KCNQ1: variants seen among roughly 807,000 people sequenced by gnomAD.
KCNQ1 encodes potassium voltage-gated channel subfamily Q member 1.
Under a neutral mutation model 72.4 loss-of-function variants are expected in KCNQ1, and 49 were observed. The ratio of observed to expected loss-of-function variants is 0.68; its 90% CI spans 0.54 to 0.86. The LOEUF (loss-of-function observed/expected upper bound fraction) is 0.86. KCNQ1 is among the 40% of genes least tolerant of loss of function. KCNQ1 has a pLI of 0.00. For missense variants in KCNQ1, 790 were observed against 945.1 expected, an observed-to-expected ratio of 0.84 and a Z score of 2.15; for synonymous variants, 450 against 412.6, an observed-to-expected ratio of 1.09 and a Z score of -1.10.
At position 2,587,637 on chromosome 11, in the gene KCNQ1, C is replaced by G. The variant is rs876657836; in HGVS notation, c.1196C>G (p.Ala399Gly). The change falls in exon 9 of 16, where the codon GCC (alanine) becomes GGC (glycine). Residue 399 changes from alanine to glycine, a missense_variant. By Grantham distance (60) the Ala-to-Gly change is moderately conservative. Around this residue, in one of 5 missense-constraint regions of KCNQ1, gnomAD observed 178 missense variants for 177.9 expected, o/e 1.00. Coordinates refer to ENST00000155840, the MANE Select transcript of KCNQ1 (RefSeq NM_000218.3). Reference protein sequence around the residue: ...SSTWKIYIRKAPRSHTLLSPS... With the variant: ...SSTWKIYIRKGPRSHTLLSPS... ...ACCTGGAAGATCTACATCCGGAAGG[C>G]CCCCCGGAGCCACACTCTGCTGTCA... The G allele has an allele frequency of 3.7e-6, 6 of 1,613,752 alleles. No individual in the cohort carries two copies. Among genetic ancestry groups the G allele is most frequent in the African/African-American group, 2.7e-5 (2 of 74,932 alleles).
intron 2 of KCNQ1, among the ~76,000 whole-genome samples, chr11:2,555,209 C>G (rs547070596): frequency 6.6e-6 from 1 of 152,336 alleles, no homozygotes; most frequent in Admixed American, 6.5e-5. Flanking sequence ...TTTGGTTTGC[C>G]AAACTTCTAG....
At chr11:2,790,997 G>C (rs959384188) in intron 15 of KCNQ1, among the ~76,000 whole-genome samples, 3 of 152,224 alleles carry the variant, frequency 2.0e-5, no homozygotes, top group Admixed American at 2.0e-4. Flanking sequence ...CTCTTTCTTG[G>C]GGTGTTTCTC....
At chr11:2,776,923 C>A in intron 13 of KCNQ1, 63 bp from the exon 14 acceptor site, 2 of 1,495,720 alleles carry the variant, frequency 1.3e-6, no homozygotes, top group Non-Finnish European at 1.9e-6. Flanking sequence ...GTCCCACAGA[C>A]GACAGTGCAT....
intron 15 of KCNQ1, among the ~76,000 whole-genome samples, chr11:2,794,121 T>G (rs1847084687): frequency 6.6e-6 from 1 of 151,738 alleles, no homozygotes; most frequent in African/African-American, 2.4e-5. Context: ...TCCGGCTTCG[T>G]GGGAGGAGGG....
At chr11:2,743,177 G>A (rs1359522452) in intron 11 of KCNQ1, among the ~76,000 whole-genome samples, 1 of 152,156 alleles carries the variant, frequency 6.6e-6, no homozygotes, top group Admixed American at 6.5e-5. Flanking sequence ...GGCATTCCCA[G>A]AAATCACAGG....
At chr11:2,456,764 C>A (rs34565276) in intron 1 of KCNQ1, among the ~76,000 whole-genome samples, 74,239 of 89,216 alleles carry the variant, frequency 0.83, 30,088 homozygotes, top group Non-Finnish European at 0.87. Flanking sequence ...TACTAAAAAT[C>A]CAAAAAAAAA....
chr11:2,621,830 T>TA lies in KCNQ1; in HGVS notation c.1393+32977dup, dbSNP rs944174103. 6 of 398,366 alleles carry TA rather than the reference T, an allele frequency of 1.5e-5. No individual in the cohort carries two copies. Among genetic ancestry groups the TA allele is most frequent in the African/African-American group, 1.2e-4 (6 of 48,758 alleles). 24.7% of individuals were successfully genotyped at this position (398,366 alleles called of 1,614,324 possible). On this transcript the variant is annotated intron_variant, in intron 10 of 15. Coordinates refer to ENST00000155840, the MANE Select transcript of KCNQ1 (RefSeq NM_000218.3). This position sits in a 1 kb window ranked among gnomAD's most constrained non-coding sequence, Gnocchi z 5.7. ...TTCTTTGTTTCAAAAATTGAAGTCT[T>TA]AGTTTTACTGACTTTTTTCCCCTAT... is the stretch of plus-strand genomic sequence containing the variant.
chr11:2,746,090 A>G lies in KCNQ1; in HGVS notation c.1515-22754A>G, dbSNP rs1275118815. On this transcript the variant is annotated intron_variant, in intron 11 of 15. Coordinates refer to ENST00000155840, the MANE Select transcript of KCNQ1 (RefSeq NM_000218.3). This position sits in a 1 kb window ranked among gnomAD's most constrained non-coding sequence, Gnocchi z 5.9. Reference sequence around the variant, plus strand: ...TTTTTGGTAGAGGTGGGGTTTCACCATGCTGGCCAGGCTGATCTCGAACTC... The same window carrying G: ...TTTTTGGTAGAGGTGGGGTTTCACCGTGCTGGCCAGGCTGATCTCGAACTC... Among the ~76,000 whole-genome samples the G allele has an allele frequency of 6.6e-6, 1 of 152,166 alleles. No homozygotes were observed. The highest frequency in any genetic ancestry group is 1.5e-5 in the Non-Finnish European group (1 of 68,020).
At chr11:2,531,260 G>A (rs1454882497) in intron 2 of KCNQ1, among the ~76,000 whole-genome samples, 3 of 150,982 alleles carry the variant, frequency 2.0e-5, no homozygotes, top group Admixed American at 6.6e-5. Flanking sequence ...AGAATTAGAC[G>A]TGCCCTGGGC....
Position 2,715,810 on chromosome 11 carries a change from C to T in KCNQ1, c.1515-53034C>T, listed in dbSNP as rs1019186355. ...GCTGGAGCAGCCCCGCATCCCACAT[C>T]CCCGCAGCCTTGCGCTGGTCTAAAT... On this transcript the variant is annotated intron_variant, in intron 11 of 15. Coordinates refer to ENST00000155840, the MANE Select transcript of KCNQ1 (RefSeq NM_000218.3). The surrounding 1 kb of genome is among the most constrained non-coding windows in gnomAD (Gnocchi z 4.9). Among the ~76,000 whole-genome samples the T allele has an allele frequency of 1.3e-5, 2 of 152,368 alleles. No individual in the cohort carries two copies. Among genetic ancestry groups the T allele is most frequent in the South Asian group, 2.1e-4 (1 of 4,830 alleles).
At chr11:2,459,873 G>A (rs532508795) in intron 1 of KCNQ1, among the ~76,000 whole-genome samples, 1 of 152,048 alleles carries the variant, frequency 6.6e-6, no homozygotes, top group Admixed American at 6.5e-5. Context: ...TCAGAGGACT[G>A]GTTTAGTAAG....
At position 2,653,309 on chromosome 11, in the gene KCNQ1, G is replaced by T; in HGVS notation, c.1394-8652G>T. 4 of 398,646 alleles carry T rather than the reference G, an allele frequency of 1.0e-5. No homozygotes were observed. The highest frequency in any genetic ancestry group is 1.8e-5 in the Non-Finnish European group (4 of 226,104). 24.7% of individuals were successfully genotyped at this position (398,646 alleles called of 1,614,324 possible). A position where few individuals can be genotyped will look rare whatever the true frequency, so the allele number is the denominator to read the frequency against. On this transcript the variant is annotated intron_variant, in intron 10 of 15. Coordinates refer to ENST00000155840, the MANE Select transcript of KCNQ1 (RefSeq NM_000218.3). This position sits in a 1 kb window ranked among gnomAD's most constrained non-coding sequence, Gnocchi z 5.3. ...CAGTGCAGACCAGTTTAGCTATTTT[G>T]TAACCTTGACTGCCCCCAGGCCCAT...
chr11:2,681,494 A>C (rs1850396242), intron 11 of KCNQ1: 1 of 398,400 alleles, frequency 2.5e-6, no homozygotes, highest in South Asian at 1.3e-4. Flanking sequence ...AATGGGACTT[A>C]GTAAAGTCAA....
intron 1 of KCNQ1, among the ~76,000 whole-genome samples, chr11:2,453,045 C>T (rs1019625078): frequency 1.3e-5 from 2 of 152,208 alleles, no homozygotes; most frequent in Admixed American, 6.5e-5. Context: ...ATGCTAGATG[C>T]GTGGAGGAGA....
At chr11:2,692,904 C>G in intron 11 of KCNQ1, 1 of 398,358 alleles carries the variant, frequency 2.5e-6, no homozygotes, top group Non-Finnish European at 4.4e-6. Flanking sequence ...TGGCTAAAAT[C>G]AACTGTAGCA....
rs1847860703 is a variant in KCNQ1, at chr11:2,543,738, C to T, written c.477+15720C>T. On this transcript the variant is annotated intron_variant, in intron 2 of 15. Coordinates refer to ENST00000155840, the MANE Select transcript of KCNQ1 (RefSeq NM_000218.3). The surrounding 1 kb of genome is among the most constrained non-coding windows in gnomAD (Gnocchi z 5.6). ...GTAGTTTTATAATTTTTGTGCTTAC[C>T]TTTAGGCCTAGGATGCATTTTGAGT... is the stretch of plus-strand genomic sequence containing the variant. Among the ~76,000 whole-genome samples the T allele has an allele frequency of 6.6e-6, 1 of 152,070 alleles. No homozygotes were observed. Among genetic ancestry groups the T allele is most frequent in the South Asian group, 2.1e-4 (1 of 4,828 alleles).
Position 2,687,990 on chromosome 11 carries a change from C to T in KCNQ1, c.1514+25909C>T. ...GCTTCCTGCTTCCCTTTGATGTCTC[C>T]TCGTGCGAGGGAGGGGTCAGCACCC... On this transcript the variant is annotated intron_variant, in intron 11 of 15. Transcript: ENST00000155840. The surrounding 1 kb of genome is among the most constrained non-coding windows in gnomAD (Gnocchi z 5.0). 2.5e-6 allele frequency: 1 copy of T among 398,742 alleles called. No homozygotes were observed. The highest frequency in any genetic ancestry group is 4.4e-6 in the Non-Finnish European group (1 of 226,152). 24.7% of individuals were successfully genotyped at this position (398,742 alleles called of 1,614,324 possible).
At chr11:2,689,800 C>T (rs182314024) in intron 11 of KCNQ1, 24 of 398,726 alleles carry the variant, frequency 6.0e-5, no homozygotes, top group Middle Eastern at 6.3e-4. Context: ...GGAAGCACTG[C>T]GTTCTCAGTG....
At chr11:2,649,756 A>G in intron 10 of KCNQ1, 1 of 398,554 alleles carries the variant, frequency 2.5e-6, no homozygotes, top group South Asian at 1.3e-4. Context: ...CAGTTTGATG[A>G]AAATGTGCCT....
Sources: allele counts gnomAD v4.1 joint callset (sites outside exome capture counted in the v4.1 genomes callset), GRCh38; gene constraint gnomAD v4.1.1; regional missense constraint gnomAD v4.1.1; non-coding constraint Gnocchi (gnomAD v3.1); transcripts MANE v1.5; gene names NCBI Gene and HGNC (gene_info 2026-07-23, HGNC 2026-07-21).